Variants in CACNA1C observed in about 807,000 individuals in gnomAD.
CACNA1C encodes the protein calcium voltage-gated channel subunit alpha1 C, also known as voltage-dependent L-type calcium channel subunit alpha-1C.
A neutral mutation model predicts 229.0 loss-of-function variants in CACNA1C; 30 were observed. The ratio of observed to expected loss-of-function variants is 0.13; its 90% CI spans 0.10 to 0.18. CACNA1C has a LOEUF of 0.18. CACNA1C is among the 10% of genes least tolerant of loss of function. CACNA1C has a pLI of 1.00. For synonymous variants in CACNA1C, 1,114 were observed against 1,132.5 expected (o/e 0.98, Z 0.33); for missense variants, 1,658 against 2,845.0 (o/e 0.58, Z 9.49).
chr12:2,040,101 A>G (rs1430913212), intron 1 of CACNA1C, among the ~76,000 whole-genome samples: 1 of 151,914 alleles, frequency 6.6e-6, no homozygotes, highest in Non-Finnish European at 1.5e-5. Flanking sequence ...CACACCCATG[A>G]CTTCAGCAGG....
chr12:2,262,028 G>T (rs2080448700), intron 3 of CACNA1C, among the ~76,000 whole-genome samples: 1 of 152,260 alleles, frequency 6.6e-6, no homozygotes, highest in Non-Finnish European at 1.5e-5. Flanking sequence ...GCCAGGACCT[G>T]AACCTGCCTT....
intron 43 of CACNA1C, among the ~76,000 whole-genome samples, chr12:2,685,128 G>A (rs564636391): frequency 4.6e-5 from 7 of 152,296 alleles, no homozygotes; most frequent in Admixed American, 2.0e-4. Flanking sequence ...ATTCCATCAG[G>A]TGTGTCTGTG....
intron 7 of CACNA1C, among the ~76,000 whole-genome samples, chr12:2,494,121 G>A (rs778435729): frequency 1.3e-4 from 20 of 152,142 alleles, no homozygotes; most frequent in South Asian, 1.2e-3. Context: ...CCATCCACCC[G>A]TCATCTATTA....
At chr12:2,125,428 G>A (rs1008445493) in intron 3 of CACNA1C, among the ~76,000 whole-genome samples, 1 of 152,132 alleles carries the variant, frequency 6.6e-6, no homozygotes. Flanking sequence ...GCCAGAGTGG[G>A]ATGCCCCAAA....
chr12:2,157,875 T>G (rs1175289905), intron 3 of CACNA1C, among the ~76,000 whole-genome samples: 1 of 152,254 alleles, frequency 6.6e-6, no homozygotes, highest in East Asian at 1.9e-4. Flanking sequence ...AGGGATAAGA[T>G]ATTATATCCT....
rs1442146421 is a variant in CACNA1C at position 2,692,755 on chromosome 12, T to C, written c.*1556T>C. On this transcript the variant is annotated 3_prime_UTR_variant, in exon 47 of 47. Transcript: ENST00000399655. ...TGTTTTATTGCATTGATAATGTTTC[T>C]GTTGAAGAAACCGTTATACTTGAAT... The C allele has an allele frequency of 6.5e-6, 1 of 152,702 alleles. No individual in the cohort carries two copies. Among genetic ancestry groups the C allele is most frequent in the East Asian group, 1.9e-4 (1 of 5,206 alleles). The allele number at this position is 152,702 out of a possible 1,614,324, so 9.5% of individuals were successfully genotyped here.
chr12:2,271,401 T>G (rs1340369631), intron 3 of CACNA1C, among the ~76,000 whole-genome samples: 1 of 152,204 alleles, frequency 6.6e-6, no homozygotes, highest in East Asian at 1.9e-4. Flanking sequence ...GCAGTGTAGC[T>G]TAAGGAGTTA....
chr12:2,683,057 C>G (rs2097258250), intron 43 of CACNA1C, among the ~76,000 whole-genome samples: 1 of 152,040 alleles, frequency 6.6e-6, no homozygotes. Context: ...GATAATTAAA[C>G]AAGTGTTTCA....
rs1383280433 is a variant in CACNA1C at position 2,512,027 on chromosome 12, C to T, written c.1218-785C>T. On this transcript the variant is annotated intron_variant, in intron 8 of 46. Coordinates refer to ENST00000399655, the MANE Select transcript of CACNA1C (RefSeq NM_000719.7). The surrounding 1 kb of genome is among the most constrained non-coding windows in gnomAD (Gnocchi z 4.3). ...TGTGTTTGGAATCTTCATTTGTCTT[C>T]ATGTGGGAGAGAACCTTCTCTAGAT... Among the ~76,000 whole-genome samples the T allele has an allele frequency of 6.6e-6, 1 of 152,138 alleles. No homozygotes were observed. The highest frequency in any genetic ancestry group is 1.5e-5 in the Non-Finnish European group (1 of 68,040).
In CACNA1C at chr12:2,185,708, C is replaced by T. The variant is rs566228702; in HGVS notation, c.477+65278C>T. ...ACCTTGATCTTGGACTTCCAGCCTT[C>T]AGGAAGTTCATTTCTGTTGAGTAAG... On this transcript the variant is annotated intron_variant, in intron 3 of 46. Transcript: ENST00000399655. Among the ~76,000 whole-genome samples, 3 of 152,324 alleles carry T rather than the reference C, an allele frequency of 2.0e-5. No individual in the cohort carries two copies. In the East Asian group the frequency reaches 5.8e-4, roughly 29 times the overall value.
chr12:2,331,749 G>A (rs1167270974), intron 3 of CACNA1C, among the ~76,000 whole-genome samples: 3 of 152,208 alleles, frequency 2.0e-5, no homozygotes, highest in African/African-American at 2.4e-5. Flanking sequence ...CCCAAAATGC[G>A]TGATTCTGAG....
chr12:2,266,984 T>C (rs146641876), intron 3 of CACNA1C, among the ~76,000 whole-genome samples: 57 of 152,366 alleles, frequency 3.7e-4, no homozygotes, highest in African/African-American at 1.3e-3. Flanking sequence ...TAAACGCTTA[T>C]GTTGAGCCAG....
At chr12:2,276,123 C>T (rs1020295273) in intron 3 of CACNA1C, among the ~76,000 whole-genome samples, 9 of 151,910 alleles carry the variant, frequency 5.9e-5, no homozygotes, top group Admixed American at 1.3e-4. Flanking sequence ...GTTGGATCCG[C>T]GGGTACAGAG....
chr12:2,048,890 C>T (rs546744041), upstream of CACNA1C, among the ~76,000 whole-genome samples: 2 of 152,254 alleles, frequency 1.3e-5, no homozygotes, highest in East Asian at 3.9e-4. Flanking sequence ...ACGTGTAATC[C>T]CACCTCCCAA....
chr12:2,053,414 G>A lies in CACNA1C; in HGVS notation c.-149G>A. On this transcript the variant is annotated 5_prime_UTR_variant, in exon 1 of 47. Transcript: ENST00000399655. This position sits in a 1 kb window ranked among gnomAD's most constrained non-coding sequence, Gnocchi z 5.8. Reference sequence around the variant, plus strand: ...TGGGAATCAGGTAATCGTCGGCGGGGAAGAAGAAACGCTGCAGACCACGGC... The same window carrying A: ...TGGGAATCAGGTAATCGTCGGCGGGAAAGAAGAAACGCTGCAGACCACGGC... 1 of 1,412,324 alleles carries A rather than the reference G, an allele frequency of 7.1e-7. No homozygotes were observed. Among genetic ancestry groups the A allele is most frequent in the South Asian group, 1.6e-5 (1 of 61,262 alleles). The allele number at this position is 1,412,324 out of a possible 1,614,324, so 87.5% of individuals were successfully genotyped here.
rs11062141 is a variant in CACNA1C at position 2,177,626 on chromosome 12, T to G, written c.477+57196T>G. 3.2e-5 allele frequency among the ~76,000 whole-genome samples: 3 copies of G among 92,748 alleles called. 1 individual carries two copies. Among genetic ancestry groups the G allele is most frequent in the East Asian group, 1.2e-3 (2 of 1,608 alleles). The allele number at this position is 92,748 out of a possible 152,430, so 60.8% of individuals were successfully genotyped here. A position where few individuals can be genotyped will look rare whatever the true frequency, so the allele number is the denominator to read the frequency against. On this transcript the variant is annotated intron_variant, in intron 3 of 46. Coordinates refer to ENST00000399655, the MANE Select transcript of CACNA1C (RefSeq NM_000719.7). ...CTTCCTTCCTTCCTTCCTTCCTTCCTTCTCTCTCTCTTTCTTTCTTTCTTT... is the reference window on the plus strand; with the variant it reads ...CTTCCTTCCTTCCTTCCTTCCTTCCGTCTCTCTCTCTTTCTTTCTTTCTTT...
At position 2,677,017 on chromosome 12, in the gene CACNA1C, G is replaced by GA. The variant is rs372244578; in HGVS notation, c.4829-67dup. 19,446 of 1,119,676 alleles carry GA rather than the reference G, an allele frequency of 0.017. 14 individuals carry two copies. The highest frequency in any genetic ancestry group is 0.031 in the African/African-American group (1,976 of 62,978). 69.4% of individuals were successfully genotyped at this position (1,119,676 alleles called of 1,614,324 possible). A position where few individuals can be genotyped will look rare whatever the true frequency, so the allele number is the denominator to read the frequency against. On this transcript the variant is annotated intron_variant, in intron 39 of 46. Transcript: ENST00000399655. The surrounding 1 kb of genome is among the most constrained non-coding windows in gnomAD (Gnocchi z 7.4). Reference sequence around the variant, plus strand: ...AAAGTTTTAAAAAGTTTTGGATGCTGAAAAAAAAAATGAATGAAGTTCAAC... The same window carrying GA: ...AAAGTTTTAAAAAGTTTTGGATGCTGAAAAAAAAAAATGAATGAAGTTCAAC...
chr12:2,409,177 T>TA (rs1387588488), intron 3 of CACNA1C, among the ~76,000 whole-genome samples: 3 of 152,246 alleles, frequency 2.0e-5, no homozygotes, highest in African/African-American at 4.8e-5. Flanking sequence ...TGCTGACTGT[T>TA]AAAACACTTC....
intron 3 of CACNA1C, among the ~76,000 whole-genome samples, chr12:2,392,340 A>AT (rs1327855522): frequency 2.6e-5 from 4 of 151,994 alleles, no homozygotes; most frequent in East Asian, 1.9e-4. Context: ...TCATTTTTCT[A>AT]TTTTTTTGAA....
Sources: allele counts gnomAD v4.1 joint callset (sites outside exome capture counted in the v4.1 genomes callset), GRCh38; gene constraint gnomAD v4.1.1; non-coding constraint Gnocchi (gnomAD v3.1); transcripts MANE v1.5; gene names NCBI Gene and HGNC (gene_info 2026-07-23, HGNC 2026-07-21).